The following THSD4 variants were observed in gnomAD, a reference collection of about 807,000 sequenced individuals.
THSD4 encodes thrombospondin type-1 domain-containing protein 4.
Under a neutral mutation model 119.0 loss-of-function variants are expected in THSD4, and 69 were observed. The observed-to-expected ratio is 0.58, with a 90% confidence interval of 0.48 to 0.71. The LOEUF (loss-of-function observed/expected upper bound fraction) is 0.71. Among genes scored for constraint, THSD4 ranks in the 30% least tolerant of loss-of-function variants. THSD4 has a pLI of 0.00. For synonymous variants in THSD4, 524 were observed against 540.4 expected, an observed-to-expected ratio of 0.97 and a Z score of 0.42; for missense variants, 1,393 against 1,391.1, an observed-to-expected ratio of 1.00 and a Z score of -0.02.
At chr15:71,249,347 T>C (rs2044236579) in intron 5 of THSD4, among the ~76,000 whole-genome samples, 1 of 151,730 alleles carries the variant, frequency 6.6e-6, no homozygotes, top group South Asian at 2.1e-4. Flanking sequence ...CACTTTTATA[T>C]ACACAAGAAT....
chr15:71,638,989 C>G (rs2050804026), intron 7 of THSD4, among the ~76,000 whole-genome samples: 1 of 152,172 alleles, frequency 6.6e-6, no homozygotes, highest in Admixed American at 6.5e-5. Context: ...GTCATGTCCC[C>G]CAACAGCTGC....
At chr15:71,712,773 A>T (rs1277292442) in intron 8 of THSD4, among the ~76,000 whole-genome samples, 1 of 152,226 alleles carries the variant, frequency 6.6e-6, no homozygotes, top group East Asian at 1.9e-4. Context: ...AACCACTGAT[A>T]CACACAACAT....
Position 71,658,791 on chromosome 15 carries a change from G to A in THSD4, c.1153-1739G>A, listed in dbSNP as rs559850988. Among the ~76,000 whole-genome samples, 7 of 152,302 alleles carry A rather than the reference G, an allele frequency of 4.6e-5. No individual in the cohort carries two copies. In the South Asian group the frequency reaches 1.0e-3, roughly 23 times the overall value. On this transcript the variant is annotated intron_variant, in intron 7 of 17. Transcript: ENST00000261862. Reference sequence around the variant, plus strand: ...TGGATGTGGATGAGCATATTGAGATGATGTTCTATTACTGTCAGAGATAAT... The same window carrying A: ...TGGATGTGGATGAGCATATTGAGATAATGTTCTATTACTGTCAGAGATAAT...
chr15:71,765,984 C>T (rs1486644045), intron 16 of THSD4, among the ~76,000 whole-genome samples: 2 of 152,136 alleles, frequency 1.3e-5, no homozygotes, highest in Non-Finnish European at 2.9e-5. Flanking sequence ...CCTGTGGCTT[C>T]TCTTTCTTTT....
chr15:71,222,430 G>A (rs1483961957), intron 4 of THSD4, among the ~76,000 whole-genome samples: 1 of 152,162 alleles, frequency 6.6e-6, no homozygotes, highest in Non-Finnish European at 1.5e-5. Context: ...TGGAATCTGG[G>A]GAATGGGATA....
At chr15:71,282,680 G>A (rs1039704731) in intron 6 of THSD4, among the ~76,000 whole-genome samples, 1 of 150,466 alleles carries the variant, frequency 6.6e-6, no homozygotes, top group Non-Finnish European at 1.5e-5. Flanking sequence ...AGTGACTTCT[G>A]CTAGGATTCC....
At chr15:71,215,420 G>C in intron 4 of THSD4, 21 bp downstream of exon 4, 1 of 1,502,906 alleles carries the variant, frequency 6.7e-7, no homozygotes. Context: ...GCCCTTGTCT[G>C]TGCCGCTCCC....
chr15:71,106,776 G>T (rs542987992), intron 1 of THSD4, among the ~76,000 whole-genome samples: 4 of 151,906 alleles, frequency 2.6e-5, no homozygotes, highest in African/African-American at 9.7e-5. Flanking sequence ...AGTCCTCTGA[G>T]ACCCAGGCTA....
At chr15:71,267,946 C>T (rs2044482269) in intron 6 of THSD4, among the ~76,000 whole-genome samples, 1 of 152,308 alleles carries the variant, frequency 6.6e-6, no homozygotes, top group South Asian at 2.1e-4. Context: ...ACAGGAGCAT[C>T]CAGATTCATA....
chr15:71,438,779 T>C (rs1260423973), intron 7 of THSD4, among the ~76,000 whole-genome samples: 2 of 152,234 alleles, frequency 1.3e-5, no homozygotes, highest in African/African-American at 4.8e-5. Context: ...TTTGAAGTGA[T>C]GAAAGGTAAG....
Position 71,777,526 on chromosome 15 carries a change from G to T in THSD4, c.*152G>T, listed in dbSNP as rs922238876. On this transcript the variant is annotated 3_prime_UTR_variant, in exon 18 of 18. Transcript: ENST00000261862. Reference sequence around the variant, plus strand: ...CCCCTGCCTCCGGTGAATGCACCCCGTGGTACCCAGGGGCTTTTTACACAA... The same window carrying T: ...CCCCTGCCTCCGGTGAATGCACCCCTTGGTACCCAGGGGCTTTTTACACAA... 1.9e-6 allele frequency: 2 copies of T among 1,067,412 alleles called. No individual in the cohort carries two copies. Among genetic ancestry groups the T allele is most frequent in the Admixed American group, 2.7e-5 (1 of 36,836 alleles). 66.1% of individuals were successfully genotyped at this position (1,067,412 alleles called of 1,614,324 possible).
At chr15:71,541,412 T>C (rs1336843218) in intron 7 of THSD4, among the ~76,000 whole-genome samples, 5 of 152,224 alleles carry the variant, frequency 3.3e-5, no homozygotes, top group African/African-American at 4.8e-5. Flanking sequence ...AATAATAAAT[T>C]TTCCTCGCAT....
At chr15:71,457,203 G>A (rs1018609651) in intron 7 of THSD4, among the ~76,000 whole-genome samples, 1 of 151,910 alleles carries the variant, frequency 6.6e-6, no homozygotes, top group Admixed American at 6.6e-5. Context: ...GCAACATGGT[G>A]AAACCCTATC....
intron 7 of THSD4, among the ~76,000 whole-genome samples, chr15:71,553,561 AG>A: frequency 6.6e-6 from 1 of 152,282 alleles, no homozygotes; most frequent in Non-Finnish European, 1.5e-5. Flanking sequence ...TCCTGACCTC[AG>A]GTGATCCACC....
intron 7 of THSD4, among the ~76,000 whole-genome samples, chr15:71,632,795 A>C (rs1051785259): frequency 1.3e-5 from 2 of 152,218 alleles, no homozygotes; most frequent in African/African-American, 4.8e-5. Context: ...GTTTATTTAC[A>C]TTAATAAGAA....
chr15:71,226,338 G>C (rs1188594669), intron 4 of THSD4, among the ~76,000 whole-genome samples: 1 of 152,120 alleles, frequency 6.6e-6, no homozygotes, highest in African/African-American at 2.4e-5. Flanking sequence ...TTTGTTGTCT[G>C]TGTGTCCATG....
At chr15:71,752,142 G>A (rs2053458976) in intron 14 of THSD4, among the ~76,000 whole-genome samples, 1 of 152,138 alleles carries the variant, frequency 6.6e-6, no homozygotes, top group Non-Finnish European at 1.5e-5. Flanking sequence ...AAAGGCAGGG[G>A]GCACAGAGCA....
In THSD4 at chr15:71,341,316, G is replaced by A. The variant is rs776046417; in HGVS notation, c.1016-70371G>A. 5.6e-6 allele frequency: 9 copies of A among 1,603,340 alleles called. No individual in the cohort carries two copies. In the African/African-American group the frequency reaches 1.1e-4, roughly 19 times the overall value. ...CTCATGTATGGGTTAATCCGACCAT[G>A]AGCTCTGTAGGTCCGGCGGTGCATC... On this transcript the variant is annotated intron_variant, in intron 6 of 17. Coordinates refer to ENST00000261862, the MANE Select transcript of THSD4 (RefSeq NM_024817.3).
chr15:71,503,352 A>G (rs1323121544), intron 7 of THSD4, among the ~76,000 whole-genome samples: 1 of 152,176 alleles, frequency 6.6e-6, no homozygotes, highest in Non-Finnish European at 1.5e-5. Flanking sequence ...ACAGCTCTGT[A>G]GGCCACAGCA....
Sources: allele counts gnomAD v4.1 joint callset (sites outside exome capture counted in the v4.1 genomes callset), GRCh38; gene constraint gnomAD v4.1.1; transcripts MANE v1.5; gene names NCBI Gene and HGNC (gene_info 2026-07-23, HGNC 2026-07-21).